The following CAMK2D variants were observed in gnomAD, a reference collection of about 807,000 sequenced individuals.
CAMK2D encodes calcium/calmodulin dependent protein kinase II delta.
Under a neutral mutation model 84.0 loss-of-function variants are expected in CAMK2D, and 37 were observed. The observed-to-expected ratio is 0.44, with a 90% CI of 0.34 to 0.58. The LOEUF is 0.58. Among genes scored for constraint, CAMK2D ranks in the 20% least tolerant of loss-of-function variants. CAMK2D has a pLI of 0.02. For synonymous variants in CAMK2D, 202 were observed against 212.5 expected (o/e 0.95, Z 0.43); for missense variants, 448 against 652.5 (o/e 0.69, Z 3.41).
At chr4:113,521,843 G>A (rs369908516) in intron 8 of CAMK2D, among the ~76,000 whole-genome samples, 1 of 152,092 alleles carries the variant, frequency 6.6e-6, no homozygotes, top group South Asian at 2.1e-4. Flanking sequence ...ATATTGGAGT[G>A]GGAAATGAAA....
At chr4:113,645,429 G>C (rs184540467) in intron 3 of CAMK2D, among the ~76,000 whole-genome samples, 28 of 152,312 alleles carry the variant, frequency 1.8e-4, no homozygotes, top group African/African-American at 5.8e-4. Context: ...TTCTGTGGCT[G>C]TTTTTGTGCT....
At chr4:113,711,854 AT>A (rs1274409861) in intron 2 of CAMK2D, among the ~76,000 whole-genome samples, 2 of 152,122 alleles carry the variant, frequency 1.3e-5, no homozygotes, top group Non-Finnish European at 2.9e-5. Context: ...TTGGTCTCTA[AT>A]TTATAATTTT....
At chr4:113,597,582 T>C (rs2098933041) in intron 4 of CAMK2D, among the ~76,000 whole-genome samples, 2 of 152,258 alleles carry the variant, frequency 1.3e-5, no homozygotes, top group Admixed American at 6.5e-5. Flanking sequence ...TGATCACCTA[T>C]ATGGACCAAT....
intron 3 of CAMK2D, among the ~76,000 whole-genome samples, chr4:113,634,640 T>A (rs1382389576): frequency 1.3e-5 from 2 of 152,192 alleles, no homozygotes; most frequent in African/African-American, 2.4e-5. Flanking sequence ...AAATTGCATA[T>A]GACATTGAGG....
chr4:113,555,457 G>A (rs2098658140), intron 4 of CAMK2D, among the ~76,000 whole-genome samples: 1 of 152,080 alleles, frequency 6.6e-6, no homozygotes, highest in South Asian at 2.1e-4. Flanking sequence ...ACTTAAAGCT[G>A]AAGAACAAAC....
intron 4 of CAMK2D, among the ~76,000 whole-genome samples, chr4:113,568,543 A>C (rs1471723713): frequency 1.3e-5 from 2 of 152,212 alleles, no homozygotes; most frequent in Non-Finnish European, 2.9e-5. Context: ...AAACATTGTT[A>C]AGTATCTGTT....
chr4:113,509,373 A>G (rs72905953), intron 13 of CAMK2D, among the ~76,000 whole-genome samples: 5,436 of 152,296 alleles, frequency 0.036, 284 homozygotes, highest in African/African-American at 0.12. Context: ...AAGACATTTA[A>G]TTATTTCTAT....
intron 3 of CAMK2D, among the ~76,000 whole-genome samples, chr4:113,643,673 C>T (rs1178428557): frequency 2.6e-5 from 4 of 152,246 alleles, no homozygotes; most frequent in Admixed American, 6.5e-5. Flanking sequence ...CGCTTAGCAG[C>T]GGAAACCATC....
chr4:113,742,591 A>G (rs73844668), intron 2 of CAMK2D, among the ~76,000 whole-genome samples: 3,189 of 151,976 alleles, frequency 0.021, 121 homozygotes, highest in African/African-American at 0.073. Flanking sequence ...TTCCTCAAGG[A>G]GCAAAGTAAA....
intron 4 of CAMK2D, among the ~76,000 whole-genome samples, chr4:113,600,817 T>C (rs904776812): frequency 2.0e-5 from 3 of 152,100 alleles, no homozygotes; most frequent in African/African-American, 4.8e-5. Flanking sequence ...AATGTTTTTG[T>C]AGAGATGAGG....
At position 113,465,289 on chromosome 4, in the gene CAMK2D, T is replaced by G. The variant is rs1664310078; in HGVS notation, c.1211+240A>C. 2.0e-5 allele frequency among the ~76,000 whole-genome samples: 3 copies of G among 152,202 alleles called. No individual in the cohort carries two copies. The South Asian group carries it at 6.2e-4, about 32-fold the overall frequency. On this transcript the variant is annotated intron_variant, in intron 17 of 20. Transcript: ENST00000511664. ...CTCAAGCAGTCTTCCCACCTTGGCC[T>G]TCCAAAGTGCAAGGATTACAGGTGT...
chr4:113,661,526 T>C (rs925514315), intron 3 of CAMK2D, among the ~76,000 whole-genome samples, 187 bp downstream of exon 3: 1 of 152,094 alleles, frequency 6.6e-6, no homozygotes, highest in African/African-American at 2.4e-5. Context: ...ACTTCAAAGA[T>C]TGCATCAAAA....
chr4:113,509,101 ATTTG>A (rs1278355987), intron 13 of CAMK2D, among the ~76,000 whole-genome samples: 4 of 152,186 alleles, frequency 2.6e-5, no homozygotes, highest in Non-Finnish European at 5.9e-5. Flanking sequence ...TTTTTCTAAT[ATTTG>A]TTCAGATCAT....
intron 2 of CAMK2D, among the ~76,000 whole-genome samples, chr4:113,696,461 G>T (rs947542590): frequency 6.6e-6 from 1 of 152,000 alleles, no homozygotes; most frequent in Non-Finnish European, 1.5e-5. Flanking sequence ...AGAAGCAAGA[G>T]AGATGAATTA....
intron 3 of CAMK2D, among the ~76,000 whole-genome samples, chr4:113,616,928 T>C (rs1435000345): frequency 6.6e-6 from 1 of 152,210 alleles, no homozygotes; most frequent in Admixed American, 6.5e-5. Context: ...TATTTTGTTT[T>C]CTAAAAAGGT....
At chr4:113,607,627 G>C (rs991068565) in intron 4 of CAMK2D, among the ~76,000 whole-genome samples, 1 of 150,416 alleles carries the variant, frequency 6.6e-6, no homozygotes, top group Non-Finnish European at 1.5e-5. Flanking sequence ...GTCCCCGCCC[G>C]CAAGAGAAAA....
chr4:113,498,190 TA>T (rs1264006669), intron 16 of CAMK2D, among the ~76,000 whole-genome samples: 5 of 152,206 alleles, frequency 3.3e-5, no homozygotes, highest in Non-Finnish European at 7.3e-5. Flanking sequence ...TAAGAGAGCA[TA>T]ATTATTCACA....
At chr4:113,682,126 C>A (rs1281578259) in intron 2 of CAMK2D, among the ~76,000 whole-genome samples, 1 of 152,020 alleles carries the variant, frequency 6.6e-6, no homozygotes, top group Non-Finnish European at 1.5e-5. Context: ...CAGGTAACTG[C>A]AAGAATTAAA....
At chr4:113,625,482 G>A (rs576693984) in intron 3 of CAMK2D, among the ~76,000 whole-genome samples, 9 of 152,280 alleles carry the variant, frequency 5.9e-5, no homozygotes, top group African/African-American at 2.2e-4. Context: ...ATTTTAAGGA[G>A]AGACCAGAAG....
Sources: gnomAD v4.1 joint callset for allele counts (sites outside exome capture counted in the v4.1 genomes callset) on GRCh38, gnomAD v4.1.1 for gene constraint, MANE v1.5 for transcripts, NCBI Gene and HGNC (gene_info 2026-07-23, HGNC 2026-07-21) for gene names.